The following EFCAB12 variants were observed in gnomAD, a reference collection of about 807,000 sequenced individuals.
The protein encoded by EFCAB12 is EF-hand calcium binding domain 12, also known as EF-hand calcium-binding domain-containing protein 12.
A neutral mutation model predicts 53.6 loss-of-function variants in EFCAB12; 43 were observed. The ratio of observed to expected loss-of-function variants is 0.80; its 90% CI spans 0.63 to 1.03. The LOEUF is 1.03. EFCAB12 is among the 50% of genes least tolerant of loss of function. EFCAB12 has a pLI of 0.00. For missense variants in EFCAB12, 646 were observed against 730.6 expected (o/e 0.88, Z 1.34); for synonymous variants, 269 against 289.2 (o/e 0.93, Z 0.71).
chr3:129,414,433 C>A (rs2072085460), intron 4 of EFCAB12: 1 of 152,236 alleles, frequency 6.6e-6, no homozygotes, highest in Admixed American at 6.5e-5. Flanking sequence ...AAGCCCCAAA[C>A]ATGCATGAGA....
intron 8 of EFCAB12, 33 bp from the exon 9 acceptor site, chr3:129,401,884 A>G: frequency 6.2e-7 from 1 of 1,600,706 alleles, no homozygotes; most frequent in Non-Finnish European, 8.5e-7. Flanking sequence ...GATGGTTGTC[A>G]TGGCAGACAG....
Position 129,421,465 on chromosome 3 carries a change from G to T in EFCAB12, c.388C>A (p.Pro130Thr), listed in dbSNP as rs372347992. 2 of 1,613,908 alleles carry T rather than the reference G, an allele frequency of 1.2e-6. No individual in the cohort carries two copies. The highest frequency in any genetic ancestry group is 3.3e-5 in the Admixed American group (2 of 60,010). ...GDVKRWLENK[P>T]SITPSEAKVL... ...TTGGCCTCTGAAGGCGTGATGCTGG[G>T]CTTGTTCTCCAGCCACCTCTTTACA... The change falls in exon 2 of 9, where the codon CCC (proline) becomes ACC (threonine). Residue 130 changes from proline (P) to threonine (T), a missense_variant. Physicochemically the swap from Pro to Thr is conservative, Grantham distance 38 (BLOSUM62 -1). Transcript: ENST00000505956.
At chr3:129,426,796 C>T (rs1386084743) in intron 1 of EFCAB12, among the ~76,000 whole-genome samples, 1 of 151,902 alleles carries the variant, frequency 6.6e-6, no homozygotes, top group Non-Finnish European at 1.5e-5. Flanking sequence ...CCCAGCTCAG[C>T]CTCCTGAGTA....
intron 8 of EFCAB12, 132 bp downstream of exon 8, chr3:129,402,391 G>T: frequency 2.1e-6 from 2 of 973,728 alleles, no homozygotes; most frequent in Non-Finnish European, 3.2e-6. Flanking sequence ...TCTCTGTGTT[G>T]TGTCACTGCC....
chr3:129,404,380 T>C lies in EFCAB12; in HGVS notation c.1273A>G (p.Ile425Val). 1 of 1,613,590 alleles carries C rather than the reference T, an allele frequency of 6.2e-7. No individual in the cohort carries two copies. The highest frequency in any genetic ancestry group is 1.1e-5 in the South Asian group (1 of 91,044). ...MKALLYPGDK[I>V]IFQMDKVCPI... is the part of the protein sequence containing the mutation. Reference sequence around the variant, plus strand: ...CACACTTTGTCCATCTGGAAAATGATCTTGTCTCCTGGGTACAGCAAGGCT... The same window carrying C: ...CACACTTTGTCCATCTGGAAAATGACCTTGTCTCCTGGGTACAGCAAGGCT... The change falls in exon 7 of 9, where the codon ATC becomes GTC. Residue 425 changes from isoleucine (I) to valine (V), a missense_variant. Transcript: ENST00000505956.
intron 8 of EFCAB12, among the ~76,000 whole-genome samples, chr3:129,402,163 G>A (rs952557813): frequency 6.6e-6 from 1 of 152,214 alleles, no homozygotes; most frequent in Non-Finnish European, 1.5e-5. Context: ...GCATTTTAAT[G>A]TGGTGTTTGG....
chr3:129,403,134 GCTAT>G (rs2071897038), intron 7 of EFCAB12: 2 of 153,518 alleles, frequency 1.3e-5, no homozygotes, highest in African/African-American at 4.8e-5. Context: ...TCCTTTATTA[GCTAT>G]GGCCTACCTA....
At chr3:129,406,866 G>T (rs1406794438) in intron 6 of EFCAB12, among the ~76,000 whole-genome samples, 4 of 140,942 alleles carry the variant, frequency 2.8e-5, no homozygotes, top group East Asian at 2.1e-4. Flanking sequence ...ATTTTGGTGG[G>T]TTTTTTTTTT....
chr3:129,412,462 A>ATAGATAGG (rs2072056860), intron 4 of EFCAB12: 1 of 151,826 alleles, frequency 6.6e-6, no homozygotes, highest in African/African-American at 2.4e-5. Context: ...AGATAGATAG[A>ATAGATAGG]TAGATAGATA....
intron 1 of EFCAB12, among the ~76,000 whole-genome samples, chr3:129,428,096 G>T (rs752941084): frequency 6.6e-6 from 1 of 152,128 alleles, no homozygotes; most frequent in Non-Finnish European, 1.5e-5. Context: ...TACCCGTGAA[G>T]CTGCATTGCT....
chr3:129,415,881 A>G (rs2072109293), intron 3 of EFCAB12, among the ~76,000 whole-genome samples: 1 of 152,206 alleles, frequency 6.6e-6, no homozygotes, highest in African/African-American at 2.4e-5. Flanking sequence ...ACGATGAGCA[A>G]CTCTGGAGGT....
intron 8 of EFCAB12, 56 bp downstream of exon 8, chr3:129,402,467 G>A (rs1050872934): frequency 5.1e-6 from 8 of 1,570,894 alleles, no homozygotes; most frequent in South Asian, 1.2e-5. Flanking sequence ...TGTCTCAGGC[G>A]AAGCTGCCCC....
rs1313169925 is a variant in EFCAB12 at position 129,401,830 on chromosome 3, G to A, written c.1482C>T (p.Ser494=). Residue 494 remains serine (S), a synonymous_variant, in exon 9 of 9, where the codon TCC becomes TCT. Coordinates refer to ENST00000505956, the MANE Select transcript of EFCAB12 (RefSeq NM_207307.3). ...TGGGGTGTGTTTGCTGCAGACCACT[G>A]GACCTCTTCACCTTCAGCTTCCTGG... ...EFTRKLKVKR[S]SGLQQTHPNS... 1 of 1,612,716 alleles carries A rather than the reference G, an allele frequency of 6.2e-7. No homozygotes were observed. Among genetic ancestry groups the A allele is most frequent in the Non-Finnish European group, 8.5e-7 (1 of 1,179,036 alleles).
chr3:129,411,143 G>C lies in EFCAB12; in HGVS notation c.1035+15C>G. ...AGTCCCCAAGCCGCATGCTCTCCTT[G>C]GGCTGGCGAGGTACCTTGTGCTGTC... On this transcript the variant is annotated intron_variant, in intron 5 of 8. Transcript: ENST00000505956. 6.4e-7 allele frequency: 1 copy of C among 1,555,322 alleles called. No homozygotes were observed.
chr3:129,406,766 G>A (rs930340522), intron 6 of EFCAB12, among the ~76,000 whole-genome samples: 1 of 152,158 alleles, frequency 6.6e-6, no homozygotes, highest in Non-Finnish European at 1.5e-5. Flanking sequence ...GCCTCCCAAA[G>A]TGCTGGGATT....
At chr3:129,415,493 T>A in intron 3 of EFCAB12, 92 bp from the exon 4 acceptor site, 1 of 1,507,160 alleles carries the variant, frequency 6.6e-7, no homozygotes, top group Non-Finnish European at 8.9e-7. Flanking sequence ...CAGACCCCCA[T>A]CCTGCTTCCA....
intron 2 of EFCAB12, 132 bp from the exon 3 acceptor site, chr3:129,418,580 TG>T (rs2072151544): frequency 1.3e-6 from 1 of 749,262 alleles, no homozygotes; most frequent in African/African-American, 1.8e-5. Flanking sequence ...CAAAGGGCAC[TG>T]GGTTCAGGGC....
At position 129,408,644 on chromosome 3, in the gene EFCAB12, C is replaced by G. The variant is rs780117744; in HGVS notation, c.1249+1G>C. On this transcript the variant is annotated splice_donor_variant, in intron 6 of 8. Coordinates refer to ENST00000505956, the MANE Select transcript of EFCAB12 (RefSeq NM_207307.3). LOFTEE classifies it high-confidence loss of function. ...CTAGGGCCAGCTACCGAGGCCCTTACCTTTCATGAGGATGTCCTCTGTCAG... is the reference window on the plus strand; with the variant it reads ...CTAGGGCCAGCTACCGAGGCCCTTAGCTTTCATGAGGATGTCCTCTGTCAG... The G allele has an allele frequency of 1.3e-6, 2 of 1,564,434 alleles. No homozygotes were observed. Among genetic ancestry groups the G allele is most frequent in the Non-Finnish European group, 8.7e-7 (1 of 1,153,308 alleles).
At chr3:129,408,611 G>C in intron 6 of EFCAB12, 34 bp downstream of exon 6, 1 of 1,549,664 alleles carries the variant, frequency 6.5e-7, no homozygotes, top group Non-Finnish European at 8.7e-7. Flanking sequence ...GGTTCCCTTG[G>C]CATCTTCCTA....
Sources: gnomAD v4.1 joint callset for allele counts (sites outside exome capture counted in the v4.1 genomes callset) on GRCh38, gnomAD v4.1.1 for gene constraint, MANE v1.5 for transcripts, NCBI Gene and HGNC (gene_info 2026-07-23, HGNC 2026-07-21) for gene names.